The following MCRIP2 variants were observed in gnomAD, a reference collection of about 807,000 sequenced individuals.
MCRIP2 encodes MAPK regulated co-repressor interacting protein 2.
MCRIP2 carries 21 observed loss-of-function variants against 23.2 expected under a neutral mutation model. The ratio of observed to expected loss-of-function variants is 0.90; its 90% CI spans 0.64 to 1.30. The LOEUF is 1.30. Ranked by LOEUF, MCRIP2 falls within the 50% of genes most tolerant of loss-of-function variation. The pLI, the probability that MCRIP2 is intolerant of heterozygous loss-of-function variation, is 0.00. For missense variants in MCRIP2, 234 were observed against 223.2 expected, an observed-to-expected ratio of 1.05 and a Z score of -0.31; for synonymous variants, 121 against 100.2, an observed-to-expected ratio of 1.21 and a Z score of -1.24.
At chr16:644,565 C>T (rs915119585) in intron 2 of MCRIP2, among the ~76,000 whole-genome samples, 15 of 152,112 alleles carry the variant, frequency 9.9e-5, no homozygotes, top group Non-Finnish European at 2.1e-4. Context: ...CACCTCTCGA[C>T]TTCCTGAGTA....
Position 641,980 on chromosome 16 carries a change from G to A in MCRIP2, c.-12G>A, listed in dbSNP as rs1272356478. The A allele has an allele frequency of 2.9e-5, 38 of 1,316,332 alleles. No homozygotes were observed. Among genetic ancestry groups the A allele is most frequent in the Non-Finnish European group, 3.6e-5 (37 of 1,034,310 alleles). The allele number at this position is 1,316,332 out of a possible 1,614,324, so 81.5% of individuals were successfully genotyped here. ...TGGCCGGGGGCCGGCGGCGGTGTGG[G>A]AGCGGCGCGTCATGTACACCATCAC... is the stretch of plus-strand genomic sequence containing the variant. On this transcript the variant is annotated 5_prime_UTR_variant, in exon 1 of 5. Coordinates refer to ENST00000307650, the MANE Select transcript of MCRIP2 (RefSeq NM_138418.4).
chr16:642,281 C>T (rs1035347995), intron 2 of MCRIP2, 32 bp downstream of exon 2: 131 of 1,153,052 alleles, frequency 1.1e-4, no homozygotes, highest in Non-Finnish European at 1.4e-4. Context: ...CCCGGCCCGG[C>T]CCGGCTTCCC....
rs1282758751 is a variant in MCRIP2, at chr16:641,954, C to T, written c.-38C>T. 7.7e-7 allele frequency: 1 copy of T among 1,297,076 alleles called. No individual in the cohort carries two copies. 80.3% of individuals were successfully genotyped at this position (1,297,076 alleles called of 1,614,324 possible). On this transcript the variant is annotated 5_prime_UTR_variant, in exon 1 of 5. Transcript: ENST00000307650. Reference sequence around the variant, plus strand: ...GCGAGCCCCGGCGCAGGGGCCGGATCTGGCCGGGGGCCGGCGGCGGTGTGG... The same window carrying T: ...GCGAGCCCCGGCGCAGGGGCCGGATTTGGCCGGGGGCCGGCGGCGGTGTGG...
chr16:644,232 C>T (rs2037421289), intron 2 of MCRIP2, among the ~76,000 whole-genome samples: 1 of 152,216 alleles, frequency 6.6e-6, no homozygotes, highest in African/African-American at 2.4e-5. Context: ...CAGGCGTGCA[C>T]TGCCACACCC....
rs45598439 is a variant in MCRIP2, at chr16:648,400, T to C, written c.*210T>C. On this transcript the variant is annotated 3_prime_UTR_variant, in exon 5 of 5. Coordinates refer to ENST00000307650, the MANE Select transcript of MCRIP2 (RefSeq NM_138418.4). ...CCCGTCTGACCTCAGCCCTGCTCACTGTGCCCAGGGACCAGCGACCAGCCC... is the reference window on the plus strand; with the variant it reads ...CCCGTCTGACCTCAGCCCTGCTCACCGTGCCCAGGGACCAGCGACCAGCCC... 5.1e-6 allele frequency: 3 copies of C among 590,284 alleles called. No individual in the cohort carries two copies. In the East Asian group the frequency reaches 8.6e-5, roughly 17 times the overall value. 36.6% of individuals were successfully genotyped at this position (590,284 alleles called of 1,614,324 possible).
In MCRIP2 at chr16:647,540, C is replaced by T. The variant is rs761394920; in HGVS notation, c.306C>T (p.Ser102=). Residue 102 remains serine, a synonymous_variant, in exon 3 of 5, where the codon TCC becomes TCT. Coordinates refer to ENST00000307650, the MANE Select transcript of MCRIP2 (RefSeq NM_138418.4). ...VAHEENVRFV[S]EAWQQVQQQL... The stretch of plus-strand genomic sequence containing the variant: ...ACGAGGAGAATGTCCGCTTTGTGTC[C>T]GAAGGTAGCGAGCGGGGCCAGAGGG... The T allele has an allele frequency of 5.6e-6, 9 of 1,613,098 alleles. No homozygotes were observed. The East Asian group carries it at 6.7e-5, about 12-fold the overall frequency.
At chr16:643,099 G>A (rs750046634) in intron 2 of MCRIP2, 2 of 152,370 alleles carry the variant, frequency 1.3e-5, no homozygotes, top group African/African-American at 2.4e-5. Flanking sequence ...GAAAGGTGTG[G>A]AGGTTCCAGC....
At position 647,397 on chromosome 16, in the gene MCRIP2, C is replaced by T. The variant is rs771236499; in HGVS notation, c.183-20C>T. The T allele has an allele frequency of 7.4e-6, 12 of 1,611,594 alleles. No homozygotes were observed. The highest frequency in any genetic ancestry group is 2.2e-5 in the East Asian group (1 of 44,842). On this transcript the variant is annotated intron_variant, in intron 2 of 4. Coordinates refer to ENST00000307650, the MANE Select transcript of MCRIP2 (RefSeq NM_138418.4). ...ACCTGGGATGGGCACCAACCATGTC[C>T]GTCTCCTCCCTTCCTGCAGTCCAGG...
intron 1 of MCRIP2, 23 bp from the exon 2 acceptor site, chr16:642,097 T>C: frequency 7.5e-7 from 1 of 1,324,606 alleles, no homozygotes; most frequent in Non-Finnish European, 9.6e-7. Context: ...CGGCGGCGGC[T>C]GACCGCCCCC....
At chr16:643,821 C>G (rs921847430) in intron 2 of MCRIP2, among the ~76,000 whole-genome samples, 1 of 152,138 alleles carries the variant, frequency 6.6e-6, no homozygotes, top group Non-Finnish European at 1.5e-5. Context: ...TGTGAGCTAC[C>G]GCGCCCGGCC....
intron 2 of MCRIP2, among the ~76,000 whole-genome samples, chr16:643,802 G>A (rs2037410721): frequency 6.6e-6 from 1 of 152,178 alleles, no homozygotes; most frequent in Non-Finnish European, 1.5e-5. Flanking sequence ...AAAGTGCTGG[G>A]ATTACAAGTG....
chr16:642,158 C>G lies in MCRIP2; in HGVS notation c.91C>G (p.Leu31Val). The G allele has an allele frequency of 7.3e-7, 1 of 1,361,454 alleles. No homozygotes were observed. The highest frequency in any genetic ancestry group is 9.5e-7 in the Non-Finnish European group (1 of 1,053,786). The allele number at this position is 1,361,454 out of a possible 1,614,324, so 84.3% of individuals were successfully genotyped here. ...GCAGGTGGAGGGCCGGCTCGGCGAG[C>G]TCCTGAAATGCCGGCAGCCCGCGCC... ...QQQVEGRLGE[L>V]LKCRQPAPPT... Residue 31 changes from leucine to valine, a missense_variant, in exon 2 of 5, where the codon CTC becomes GTC. Transcript: ENST00000307650.
At chr16:643,540 CTTTTTTTTTTT>C (rs869168510) in intron 2 of MCRIP2, among the ~76,000 whole-genome samples, 2 of 119,426 alleles carry the variant, frequency 1.7e-5, no homozygotes, top group African/African-American at 3.5e-5. Flanking sequence ...GCTGTTGTCT[CTTTTTTTTTTT>C]TTTTTTTTTT....
rs73487410 is a variant in MCRIP2 at position 646,243 on chromosome 16, C to G, written c.183-1174C>G. ...CAACCTCCAAGCTTTCTTGGAGTTTCTGGCTTTCCGAGGTGGGAGTGGGTT... is the reference window on the plus strand; with the variant it reads ...CAACCTCCAAGCTTTCTTGGAGTTTGTGGCTTTCCGAGGTGGGAGTGGGTT... On this transcript the variant is annotated intron_variant, in intron 2 of 4. Transcript: ENST00000307650. This position sits in a 1 kb window ranked among gnomAD's most constrained non-coding sequence, Gnocchi z 6.5. The G allele has an allele frequency of 2.0e-5, 3 of 152,228 alleles. No individual in the cohort carries two copies. Among genetic ancestry groups the G allele is most frequent in the Admixed American group, 6.5e-5 (1 of 15,286 alleles). The allele number at this position is 152,228 out of a possible 1,614,324, so 9.4% of individuals were successfully genotyped here.
chr16:644,054 C>T (rs1329107155), intron 2 of MCRIP2, among the ~76,000 whole-genome samples: 1 of 152,166 alleles, frequency 6.6e-6, no homozygotes, highest in East Asian at 1.9e-4. Context: ...CATCCTGCTC[C>T]TGCACCTTCT....
At chr16:644,729 C>T (rs1567209160) in intron 2 of MCRIP2, among the ~76,000 whole-genome samples, 3 of 152,080 alleles carry the variant, frequency 2.0e-5, no homozygotes, top group Non-Finnish European at 2.9e-5. Context: ...TGTGGGCCAC[C>T]GCGCCCGGCC....
intron 2 of MCRIP2, among the ~76,000 whole-genome samples, chr16:643,524 C>T (rs977792615): frequency 4.0e-5 from 6 of 151,164 alleles, no homozygotes; most frequent in Non-Finnish European, 5.9e-5. Flanking sequence ...AACACCAGGC[C>T]CACTGGCTGT....
chr16:647,676 C>T, intron 3 of MCRIP2, 107 bp from the exon 4 acceptor site: 3 of 1,521,558 alleles, frequency 2.0e-6, no homozygotes, highest in East Asian at 4.9e-5. Flanking sequence ...GCCCTTGTGT[C>T]CTGTGACCAG....
In MCRIP2 at chr16:646,876, G is replaced by C. The variant is rs1047168857; in HGVS notation, c.183-541G>C. On this transcript the variant is annotated intron_variant, in intron 2 of 4. Transcript: ENST00000307650. This position sits in a 1 kb window ranked among gnomAD's most constrained non-coding sequence, Gnocchi z 6.5. ...AGTCCTCATCCCATGGGACGTGGGG[G>C]CAGCCAGGGAGAGGGCAAAGGCCCC... 7.6e-5 allele frequency: 12 copies of C among 158,442 alleles called. No homozygotes were observed. Among genetic ancestry groups the C allele is most frequent in the African/African-American group, 2.2e-4 (9 of 41,518 alleles). 9.8% of individuals were successfully genotyped at this position (158,442 alleles called of 1,614,324 possible). A position where few individuals can be genotyped will look rare whatever the true frequency, so the allele number is the denominator to read the frequency against.
Sources: allele counts gnomAD v4.1 joint callset (sites outside exome capture counted in the v4.1 genomes callset), GRCh38; gene constraint gnomAD v4.1.1; non-coding constraint Gnocchi (gnomAD v3.1); transcripts MANE v1.5; gene names NCBI Gene and HGNC (gene_info 2026-07-23, HGNC 2026-07-21).